The following TMEM74 variants were observed in gnomAD, a reference collection of about 807,000 sequenced individuals.
TMEM74 encodes transmembrane protein 74.
In TMEM74, 13 loss-of-function variants were observed where a neutral mutation model predicts 18.1. The observed-to-expected ratio is 0.72, with a 90% CI of 0.47 to 1.14. The LOEUF is 1.14. Ranked by LOEUF, TMEM74 falls within the 50% of genes most tolerant of loss-of-function variation. The pLI is 0.00. For missense variants in TMEM74, 372 were observed against 375.9 expected, an observed-to-expected ratio of 0.99 and a Z score of 0.09; for synonymous variants, 159 against 146.6, an observed-to-expected ratio of 1.08 and a Z score of -0.61.
chr8:108,750,988 G>C (rs1217174755), intron 1 of TMEM74, among the ~76,000 whole-genome samples: 1 of 152,070 alleles, frequency 6.6e-6, no homozygotes, highest in Non-Finnish European at 1.5e-5. Context: ...ATGACCCTTA[G>C]TCAAATTCTT....
Position 108,779,175 on chromosome 8 carries a change from C to A in TMEM74, c.*5006G>T, listed in dbSNP as rs530913570. ...AAGTGCCCTAAGAAAGAGCTCATAA[C>A]CTTAATAATTGCCCTTGAAAATATC... On this transcript the variant is annotated 3_prime_UTR_variant, in exon 2 of 2. Coordinates refer to ENST00000297459, the MANE Select transcript of TMEM74 (RefSeq NM_153015.3). Among the ~76,000 whole-genome samples, 42 of 152,186 alleles carry A rather than the reference C, an allele frequency of 2.8e-4. No homozygotes were observed. Among genetic ancestry groups the A allele is most frequent in the African/African-American group, 7.5e-4 (31 of 41,542 alleles).
chr8:108,774,108 T>C (rs1435234645), downstream of TMEM74, among the ~76,000 whole-genome samples: 1 of 152,212 alleles, frequency 6.6e-6, no homozygotes, highest in African/African-American at 2.4e-5. Context: ...GAGATTTTGA[T>C]ATGTAGAAAT....
At chr8:108,620,871 G>T (rs1251224534) in intron 2 of TMEM74, among the ~76,000 whole-genome samples, 1 of 152,100 alleles carries the variant, frequency 6.6e-6, no homozygotes, top group Non-Finnish European at 1.5e-5. Context: ...ACATAGAAGT[G>T]ATATTGTGAG....
intron 1 of TMEM74, among the ~76,000 whole-genome samples, chr8:108,714,987 T>C (rs1184449131): frequency 6.6e-6 from 1 of 152,204 alleles, no homozygotes; most frequent in Non-Finnish European, 1.5e-5. Flanking sequence ...CATTATTACA[T>C]GACATAAACA....
At chr8:108,625,514 G>A (rs143834035) in intron 2 of TMEM74, among the ~76,000 whole-genome samples, 7 of 151,902 alleles carry the variant, frequency 4.6e-5, no homozygotes, top group African/African-American at 7.2e-5. Flanking sequence ...ATCTTGGACC[G>A]TTCTAGATTT....
intron 1 of TMEM74, among the ~76,000 whole-genome samples, chr8:108,665,014 C>CT (rs11419686): frequency 0.12 from 17,505 of 148,870 alleles, 1,513 homozygotes; most frequent in East Asian, 0.42. Context: ...CAACTTAAAG[C>CT]TTTTTTTTTT....
chr8:108,768,772 A>T (rs1814138203), intron 1 of TMEM74, among the ~76,000 whole-genome samples: 1 of 152,066 alleles, frequency 6.6e-6, no homozygotes, highest in East Asian at 1.9e-4. Flanking sequence ...CTGTTTCCCT[A>T]AGGATCATGG....
chr8:108,720,247 G>C (rs1322619530), intron 1 of TMEM74, among the ~76,000 whole-genome samples: 37 of 152,030 alleles, frequency 2.4e-4, no homozygotes, highest in Non-Finnish European at 5.4e-4. Context: ...ATCACATTCT[G>C]TATCAATTTT....
At chr8:108,643,217 C>T (rs1812683547) in intron 2 of TMEM74, among the ~76,000 whole-genome samples, 1 of 152,176 alleles carries the variant, frequency 6.6e-6, no homozygotes, top group African/African-American at 2.4e-5. Context: ...TTTAAAAACA[C>T]AGATTGCTGT....
chr8:108,674,735 G>A (rs1813036645), intron 1 of TMEM74, among the ~76,000 whole-genome samples: 1 of 152,166 alleles, frequency 6.6e-6, no homozygotes, highest in Non-Finnish European at 1.5e-5. Flanking sequence ...GATGGGCAAG[G>A]TCAAGCTGTA....
At chr8:108,750,010 T>C (rs1358683102) in intron 1 of TMEM74, among the ~76,000 whole-genome samples, 1 of 152,174 alleles carries the variant, frequency 6.6e-6, no homozygotes, top group Non-Finnish European at 1.5e-5. Context: ...CACAGGACTC[T>C]GATCCTAGCT....
intron 1 of TMEM74, among the ~76,000 whole-genome samples, chr8:108,750,433 A>C (rs945608889): frequency 6.6e-6 from 1 of 152,140 alleles, no homozygotes; most frequent in Non-Finnish European, 1.5e-5. Context: ...CCAGGTAGTT[A>C]GGCATGAATG....
At chr8:108,655,317 C>T (rs892588675) in exon 2 of TMEM74, 10 of 152,084 alleles carry the variant, frequency 6.6e-5, no homozygotes, top group African/African-American at 2.4e-4. Context: ...GTCTTGACCA[C>T]TTCTGGAATC....
At chr8:108,658,476 A>T (rs1319285240) in intron 1 of TMEM74, among the ~76,000 whole-genome samples, 1 of 152,178 alleles carries the variant, frequency 6.6e-6, no homozygotes, top group African/African-American at 2.4e-5. Context: ...CTCTAAAGAG[A>T]AAACTGGGAT....
chr8:108,749,310 T>A (rs759865980), intron 1 of TMEM74, among the ~76,000 whole-genome samples: 6 of 152,230 alleles, frequency 3.9e-5, no homozygotes, highest in Non-Finnish European at 8.8e-5. Flanking sequence ...CATTTGTTTG[T>A]GTCATCTCTG....
chr8:108,747,003 A>G (rs993768252), intron 1 of TMEM74, among the ~76,000 whole-genome samples: 1 of 152,102 alleles, frequency 6.6e-6, no homozygotes, highest in Non-Finnish European at 1.5e-5. Flanking sequence ...CTTGAGTTCT[A>G]TGAGCCATTC....
chr8:108,727,281 A>G (rs544414715), intron 1 of TMEM74, among the ~76,000 whole-genome samples: 3 of 152,314 alleles, frequency 2.0e-5, no homozygotes, highest in Admixed American at 6.5e-5. Flanking sequence ...TGTGGAGAAC[A>G]AACTATATAA....
chr8:108,748,202 T>A (rs1185924384), intron 1 of TMEM74, among the ~76,000 whole-genome samples: 1 of 152,194 alleles, frequency 6.6e-6, no homozygotes, highest in Admixed American at 6.5e-5. Context: ...TGTTGCTTTT[T>A]CTCCACTACC....
At chr8:108,718,594 A>AT (rs952609748) in intron 1 of TMEM74, among the ~76,000 whole-genome samples, 7 of 152,108 alleles carry the variant, frequency 4.6e-5, no homozygotes, top group South Asian at 2.1e-4. Flanking sequence ...ATACACTAGG[A>AT]TTTTTGACAA....
Sources: gnomAD v4.1 joint callset for allele counts (sites outside exome capture counted in the v4.1 genomes callset) on GRCh38, gnomAD v4.1.1 for gene constraint, MANE v1.5 for transcripts, NCBI Gene and HGNC (gene_info 2026-07-23, HGNC 2026-07-21) for gene names.